The following KIF6 variants were observed in gnomAD, a reference collection of about 807,000 sequenced individuals.
KIF6 encodes kinesin family member 6.
Under a neutral mutation model 112.7 loss-of-function variants are expected in KIF6, and 106 were observed. The observed-to-expected ratio is 0.94, with a 90% confidence interval of 0.80 to 1.11. The LOEUF (loss-of-function observed/expected upper bound fraction) is 1.11, where lower values mean the gene tolerates loss of function less well. Ranked by LOEUF, KIF6 falls within the 50% of genes least tolerant of loss-of-function variation. The pLI is 0.00. For missense variants in KIF6, 929 were observed against 964.0 expected, an observed-to-expected ratio of 0.96 and a Z score of 0.48; for synonymous variants, 339 against 339.9, an observed-to-expected ratio of 1.00 and a Z score of 0.03.
intron 3 of KIF6, among the ~76,000 whole-genome samples, chr6:39,677,995 GTGTGCATGTGTCTTTATAGCAGCATGA>G (rs1194674027): frequency 6.6e-6 from 1 of 151,042 alleles, no homozygotes; most frequent in East Asian, 1.9e-4. Flanking sequence ...ATAAACATAC[GTGTGCATGTGTCTTTATAGCAGCATGA>G]TTTATGCAGC....
chr6:39,552,698 G>T (rs985157792), intron 10 of KIF6, among the ~76,000 whole-genome samples: 13 of 152,112 alleles, frequency 8.5e-5, no homozygotes, highest in Non-Finnish European at 1.3e-4. Flanking sequence ...TAGTTAATGA[G>T]AATATCAAAT....
intron 15 of KIF6, among the ~76,000 whole-genome samples, chr6:39,407,790 C>T (rs1769192698): frequency 6.6e-6 from 1 of 152,176 alleles, no homozygotes; most frequent in Non-Finnish European, 1.5e-5. Context: ...TCTGAAATCA[C>T]CATCTCTAGT....
In KIF6 at chr6:39,342,627, TTTTA is replaced by T. The variant is rs1457298198; in HGVS notation, c.2428+1078_2428+1081del. 5.5e-3 allele frequency among the ~76,000 whole-genome samples: 666 copies of T among 121,886 alleles called. 104 individuals are homozygous for T. Among genetic ancestry groups the T allele is most frequent in the African/African-American group, 0.02 (505 of 24,780 alleles). 80.0% of individuals were successfully genotyped at this position (121,886 alleles called of 152,430 possible). On this transcript the variant is annotated intron_variant, in intron 22 of 22. Coordinates refer to ENST00000287152, the MANE Select transcript of KIF6 (RefSeq NM_145027.6). The surrounding 1 kb of genome is among the most constrained non-coding windows in gnomAD (Gnocchi z 4.7). ...TTTTTTTTTATTTTTTTTTATTTTT[TTTTA>T]TTTTTAGACAAGGAAACTGAGAATG...
rs144582024 is a variant in KIF6, at chr6:39,584,978, T to C, written c.997A>G (p.Ile333Val). Residue 333 changes from isoleucine (I) to valine (V), a missense_variant, in exon 9 of 23, where the codon ATA becomes GTA. Physicochemically the swap from Ile to Val is conservative, Grantham distance 29. Around this residue, in one of 2 missense-constraint regions of KIF6, gnomAD observed 688 missense variants for 662.7 expected, o/e 1.04. Coordinates refer to ENST00000287152, the MANE Select transcript of KIF6 (RefSeq NM_145027.6). ...CGCTGTGCAAATCTGCAGGTTGATA[T>C]AGACTCCTAAGAAAGCAAAGTAACT... is the stretch of plus-strand genomic sequence containing the variant. ...SLEKRNLDES[I>V]STCRFAQRVA... is the part of the protein sequence containing the mutation. 2.4e-5 allele frequency: 39 copies of C among 1,594,222 alleles called. No individual in the cohort carries two copies. Among genetic ancestry groups the C allele is most frequent in the Non-Finnish European group, 3.0e-5 (35 of 1,162,666 alleles).
intron 13 of KIF6, 79 bp from the exon 14 acceptor site, chr6:39,431,240 C>T (rs1353028964): frequency 9.8e-6 from 8 of 814,968 alleles, no homozygotes; most frequent in South Asian, 1.5e-5. Context: ...AGTCAGACCA[C>T]AAAACCAGCC....
chr6:39,337,054 TTCTTTCTTTC>T (rs1380746008), intron 22 of KIF6, among the ~76,000 whole-genome samples: 1 of 85,124 alleles, frequency 1.2e-5, no homozygotes, highest in East Asian at 7.0e-4. Flanking sequence ...TCCTTTTTCT[TTCTTTCTTTC>T]TTTCTCTTTC....
chr6:39,369,692 T>C (rs1259706327), intron 16 of KIF6, among the ~76,000 whole-genome samples: 1 of 152,106 alleles, frequency 6.6e-6, no homozygotes, highest in Non-Finnish European at 1.5e-5. Flanking sequence ...AGTCAGAGGG[T>C]CAGCGTGTAC....
Position 39,725,356 on chromosome 6 carries a change from G to T in KIF6, c.-46C>A, listed in dbSNP as rs1239913335. 2.6e-6 allele frequency: 4 copies of T among 1,556,124 alleles called. No individual in the cohort carries two copies. The highest frequency in any genetic ancestry group is 3.5e-6 in the Non-Finnish European group (4 of 1,139,242). ...GACCCTTGACCTCTCTCAGGCCCGG[G>T]CTGCCAAAACTAACTCCCACCACCT... On this transcript the variant is annotated 5_prime_UTR_variant, in exon 1 of 23. Coordinates refer to ENST00000287152, the MANE Select transcript of KIF6 (RefSeq NM_145027.6).
Position 39,669,578 on chromosome 6 carries a change from T to TA in KIF6, c.252-29822dup, listed in dbSNP as rs547987890. Among the ~76,000 whole-genome samples, 797 of 152,354 alleles carry TA rather than the reference T, an allele frequency of 5.2e-3. 6 individuals are homozygous for TA. Among genetic ancestry groups the TA allele is most frequent in the African/African-American group, 0.018 (761 of 41,596 alleles). The stretch of plus-strand genomic sequence containing the variant: ...ACCATTCATTCATAGCCCGCTACTT[T>TA]AAAAGCTTTAATTGTAATAATAAAC... On this transcript the variant is annotated intron_variant, in intron 3 of 22. Transcript: ENST00000287152.
At chr6:39,591,921 G>T (rs1781974072) in intron 7 of KIF6, among the ~76,000 whole-genome samples, 1 of 152,078 alleles carries the variant, frequency 6.6e-6, no homozygotes, top group African/African-American at 2.4e-5. Flanking sequence ...GACCATCCTG[G>T]CTAACATGGT....
At chr6:39,709,120 A>G (rs766246959) in intron 3 of KIF6, among the ~76,000 whole-genome samples, 4 of 152,206 alleles carry the variant, frequency 2.6e-5, no homozygotes, top group Non-Finnish European at 5.9e-5. Flanking sequence ...CCTAGTGGAA[A>G]TGTACTAAAT....
intron 13 of KIF6, among the ~76,000 whole-genome samples, chr6:39,521,991 C>T (rs1257471242): frequency 6.6e-6 from 1 of 152,182 alleles, no homozygotes; most frequent in Non-Finnish European, 1.5e-5. Context: ...CCTCCTTCCA[C>T]TGCTGGCCTC....
At chr6:39,505,244 T>A (rs956930165) in intron 13 of KIF6, among the ~76,000 whole-genome samples, 5 of 152,146 alleles carry the variant, frequency 3.3e-5, no homozygotes, top group African/African-American at 1.2e-4. Flanking sequence ...AAACAAGGAA[T>A]GGCAAAAGGA....
intron 10 of KIF6, among the ~76,000 whole-genome samples, chr6:39,546,456 T>C (rs143722064): frequency 6.6e-6 from 1 of 152,332 alleles, no homozygotes; most frequent in Admixed American, 6.5e-5. Context: ...TCATGTTGTT[T>C]TTCCTATCCT....
Position 39,431,074 on chromosome 6 carries a change from T to C in KIF6, c.1733A>G (p.Asn578Ser), listed in dbSNP as rs745319303. ...DHADSVTIDD[N>S]KQILKQRFSE... ...TTACCTCTGTTTCAGAATCTGTTTG[T>C]TGTCATCGATGGTAACGCTGTCAGC... The change falls in exon 14 of 23, where the codon AAC (asparagine) becomes AGC (serine). Residue 578 changes from asparagine to serine, a missense_variant. By Grantham distance (46) the Asn-to-Ser change is conservative. This residue lies in a region of KIF6 where 241 missense variants were observed against 301.4 expected (regional missense o/e 0.80). Transcript: ENST00000287152. The C allele has an allele frequency of 1.2e-6, 2 of 1,612,582 alleles. No individual in the cohort carries two copies. Among genetic ancestry groups the C allele is most frequent in the South Asian group, 1.1e-5 (1 of 90,962 alleles).
chr6:39,563,270 A>C (rs961584308), intron 10 of KIF6, among the ~76,000 whole-genome samples: 2 of 152,010 alleles, frequency 1.3e-5, no homozygotes, highest in Non-Finnish European at 2.9e-5. Flanking sequence ...AAGACAAAAG[A>C]TTACTCCATC....
At chr6:39,587,807 T>C (rs1781715994) in intron 7 of KIF6, among the ~76,000 whole-genome samples, 1 of 152,208 alleles carries the variant, frequency 6.6e-6, no homozygotes, top group Non-Finnish European at 1.5e-5. Context: ...TCTCCTACAA[T>C]TACCTCCTCT....
chr6:39,459,547 T>C (rs1773331283), intron 13 of KIF6, among the ~76,000 whole-genome samples: 1 of 10,116 alleles, frequency 9.9e-5, no homozygotes, highest in Non-Finnish European at 1.6e-4. Flanking sequence ...CTAAAGAGCT[T>C]CTGCACAGCA....
chr6:39,575,534 T>C (rs923136827), intron 10 of KIF6, among the ~76,000 whole-genome samples: 7 of 152,130 alleles, frequency 4.6e-5, no homozygotes, highest in Non-Finnish European at 7.4e-5. Flanking sequence ...CCTTCCAAAG[T>C]GCTGGGATTA....
Sources: gnomAD v4.1 joint callset for allele counts (sites outside exome capture counted in the v4.1 genomes callset) on GRCh38, gnomAD v4.1.1 for gene constraint, gnomAD v4.1.1 regional missense constraint, Gnocchi (gnomAD v3.1) non-coding constraint, MANE v1.5 for transcripts, NCBI Gene and HGNC (gene_info 2026-07-23, HGNC 2026-07-21) for gene names.